SEMA4B: variants seen among roughly 807,000 people sequenced by gnomAD.
The protein encoded by SEMA4B is semaphorin 4B.
A neutral mutation model predicts 88.1 loss-of-function variants in SEMA4B; 55 were observed. The observed-to-expected ratio is 0.62, with a 90% CI of 0.50 to 0.78. The LOEUF is 0.78. Among genes scored for constraint, SEMA4B ranks in the 30% least tolerant of loss-of-function variants. The pLI, the probability that SEMA4B is intolerant of heterozygous loss-of-function variation, is 0.00. For missense variants in SEMA4B, 1,062 were observed against 1,111.9 expected, an observed-to-expected ratio of 0.96 and a Z score of 0.64; for synonymous variants, 525 against 473.6, an observed-to-expected ratio of 1.11 and a Z score of -1.41.
chr15:90,200,184 A>G (rs566263809), upstream of SEMA4B, among the ~76,000 whole-genome samples: 1 of 152,302 alleles, frequency 6.6e-6, no homozygotes, highest in African/African-American at 2.4e-5. Flanking sequence ...GTGGGAGCAG[A>G]TGTGGCAGAC....
In SEMA4B at chr15:90,221,403, A is replaced by G. The variant is rs1183106109; in HGVS notation, c.632A>G (p.Gln211Arg). ...ELYTGTVSSF[Q>R]GNDPAISRSQ... ...TACACTGGAACAGTCAGCAGCTTCC[A>G]AGGGAATGACCCGGCCATCTCGCGG... The change falls in exon 6 of 14, where the codon CAA becomes CGA. Residue 211 changes from glutamine (Q) to arginine (R), a missense_variant. Coordinates refer to ENST00000411539, the MANE Select transcript of SEMA4B (RefSeq NM_198925.4). The G allele has an allele frequency of 1.9e-6, 3 of 1,576,774 alleles. No homozygotes were observed. Among genetic ancestry groups the G allele is most frequent in the Non-Finnish European group, 2.6e-6 (3 of 1,162,214 alleles).
At chr15:90,197,993 C>G (rs1382796534), upstream of SEMA4B, among the ~76,000 whole-genome samples, 1 of 148,996 alleles carries the variant, frequency 6.7e-6, no homozygotes, top group Non-Finnish European at 1.5e-5. Flanking sequence ...GTGGCGTGAT[C>G]TCGGCTCACT....
At chr15:90,191,794 G>A (rs1318975718) in intron 1 of SEMA4B, 1 of 152,306 alleles carries the variant, frequency 6.6e-6, no homozygotes, top group East Asian at 1.9e-4. Context: ...GGCAGTGTAA[G>A]TGCTGACCCG....
intron 1 of SEMA4B, chr15:90,206,867 C>A: frequency 1.4e-6 from 1 of 715,574 alleles, no homozygotes; most frequent in Non-Finnish European, 2.6e-6. Flanking sequence ...GAGGGGAAAC[C>A]CCGTAAAGTG....
intron 1 of SEMA4B, among the ~76,000 whole-genome samples, chr15:90,216,853 A>T (rs932727056): frequency 1.3e-5 from 2 of 152,192 alleles, no homozygotes; most frequent in Non-Finnish European, 2.9e-5. Flanking sequence ...CAAAAAAAAA[A>T]GAAAAGCCCA....
upstream of SEMA4B, among the ~76,000 whole-genome samples, chr15:90,199,670 C>G (rs889649818): frequency 1.7e-4 from 26 of 151,890 alleles, no homozygotes; most frequent in Admixed American, 1.4e-3. Flanking sequence ...ATTAAAAATA[C>G]AAAAAATTAG....
chr15:90,224,084 C>T, intron 9 of SEMA4B, 96 bp downstream of exon 9: 2 of 1,189,164 alleles, frequency 1.7e-6, no homozygotes, highest in Middle Eastern at 2.5e-4. Context: ...GGGCAGATCA[C>T]TTGGCTTCTC....
chr15:90,211,542 G>A lies in SEMA4B; in HGVS notation c.158-5897G>A, dbSNP rs569440380. On this transcript the variant is annotated intron_variant, in intron 1 of 13. Transcript: ENST00000411539. ...CATGCTCCATGAGGAAGAAGTGGCT[G>A]CCCTGCCCAACACGGGCCGTGTGGA... is the stretch of plus-strand genomic sequence containing the variant. Among the ~76,000 whole-genome samples, 10 of 152,314 alleles carry A rather than the reference G, an allele frequency of 6.6e-5. No individual in the cohort carries two copies. The East Asian group carries it at 1.9e-3, about 29-fold the overall frequency.
chr15:90,194,609 T>G (rs1406189307), intron 1 of SEMA4B, among the ~76,000 whole-genome samples: 1 of 152,216 alleles, frequency 6.6e-6, no homozygotes, highest in Non-Finnish European at 1.5e-5. Context: ...GGGCTCCGTT[T>G]GTGACTCTGT....
Position 90,227,906 on chromosome 15 carries a change from G to A in SEMA4B, c.1777G>A (p.Glu593Lys), listed in dbSNP as rs922096244. ...CCCCATGCCTTTTCTGCCTACAGGG[G>A]AGAAGCCATGTGAGCAAGTCCAGTT... ...VVSPSFVPTG[E>K]KPCEQVQFQP... is the part of the protein sequence containing the mutation. The change falls in exon 14 of 14, where the codon GAG (glutamate) becomes AAG (lysine). Residue 593 changes from glutamate to lysine, a missense_variant and splice_region_variant. By Grantham distance (56) the Glu-to-Lys change is moderately conservative. Transcript: ENST00000411539. 1.2e-6 allele frequency: 2 copies of A among 1,611,102 alleles called. No homozygotes were observed. The highest frequency in any genetic ancestry group is 1.7e-6 in the Non-Finnish European group (2 of 1,179,828).
At chr15:90,205,309 G>A (rs1009976163) in intron 1 of SEMA4B, among the ~76,000 whole-genome samples, 1 of 152,230 alleles carries the variant, frequency 6.6e-6, no homozygotes, top group South Asian at 2.1e-4. Flanking sequence ...CTGGTCGCTT[G>A]TTGAGCCCTC....
At chr15:90,192,535 AT>A in intron 1 of SEMA4B, among the ~76,000 whole-genome samples, 1 of 145,014 alleles carries the variant, frequency 6.9e-6, no homozygotes, top group East Asian at 2.0e-4. Flanking sequence ...ATGTGTGTTC[AT>A]TTGCTTTTTA....
At chr15:90,201,214 G>A (rs1960695931), upstream of SEMA4B, 1 of 686,784 alleles carries the variant, frequency 1.5e-6, no homozygotes, top group Non-Finnish European at 1.8e-6. Flanking sequence ...TGGCCCCTGC[G>A]GCAGCGCCCC....
rs111913170 is a variant in SEMA4B, at chr15:90,219,835, G to A, written c.427G>A (p.Gly143Ser). The change falls in exon 4 of 14, where the codon GGC (glycine) becomes AGC (serine). Residue 143 changes from glycine to serine, a missense_variant. Physicochemically the swap from Gly to Ser is moderately conservative, Grantham distance 56 (BLOSUM62 0). Coordinates refer to ENST00000411539, the MANE Select transcript of SEMA4B (RefSeq NM_198925.4). ...CATCAAGATCCTCCTGCCGCTCAGC[G>A]GCAGTCACCTGTTCACCTGTGGCAC... is the stretch of plus-strand genomic sequence containing the variant. ...NYIKILLPLSGSHLFTCGTAA... is the reference protein window; with the variant it reads ...NYIKILLPLSSSHLFTCGTAA... 1.2e-5 allele frequency: 19 copies of A among 1,613,632 alleles called. No homozygotes were observed. The highest frequency in any genetic ancestry group is 6.7e-5 in the East Asian group (3 of 44,870).
intron 13 of SEMA4B, 65 bp downstream of exon 13, chr15:90,227,707 A>G (rs1962246186): frequency 6.4e-7 from 1 of 1,555,276 alleles, no homozygotes; most frequent in Non-Finnish European, 8.8e-7. Context: ...AGGCTCCCCC[A>G]GGCACAGATG....
At chr15:90,186,859 C>T (rs1352397313) in intron 1 of SEMA4B, among the ~76,000 whole-genome samples, 2 of 151,754 alleles carry the variant, frequency 1.3e-5, no homozygotes, top group African/African-American at 2.4e-5. Context: ...TGTGAACCCG[C>T]GAGGCGGAGC....
At position 90,220,971 on chromosome 15, in the gene SEMA4B, C is replaced by G. The variant is rs3825998; in HGVS notation, c.484-11C>G. 4 of 1,575,666 alleles carry G rather than the reference C, an allele frequency of 2.5e-6. No homozygotes were observed. The highest frequency in any genetic ancestry group is 3.5e-6 in the Non-Finnish European group (4 of 1,153,380). Reference sequence around the variant, plus strand: ...GAGTGCCCCTGAGCCCATGTGTCCACCCTCCTGCAGAACATGGAGAACTTC... The same window carrying G: ...GAGTGCCCCTGAGCCCATGTGTCCAGCCTCCTGCAGAACATGGAGAACTTC... On this transcript the variant is annotated splice_polypyrimidine_tract_variant and intron_variant, in intron 4 of 13. Coordinates refer to ENST00000411539, the MANE Select transcript of SEMA4B (RefSeq NM_198925.4).
Position 90,225,412 on chromosome 15 carries a change from G to T in SEMA4B, c.1521+15G>T. Reference sequence around the variant, plus strand: ...ACACCCACAGGGTGAGCAGGCCAACGAGGAATCCTGGCAGGGTACTTGGGG... The same window carrying T: ...ACACCCACAGGGTGAGCAGGCCAACTAGGAATCCTGGCAGGGTACTTGGGG... On this transcript the variant is annotated intron_variant, in intron 11 of 13. Coordinates refer to ENST00000411539, the MANE Select transcript of SEMA4B (RefSeq NM_198925.4). 1.9e-6 allele frequency: 3 copies of T among 1,547,886 alleles called. No individual in the cohort carries two copies. The highest frequency in any genetic ancestry group is 2.4e-5 in the South Asian group (2 of 83,940).
Position 90,223,857 on chromosome 15 carries a change from G to A in SEMA4B, c.1063G>A (p.Gly355Ser). 6.2e-7 allele frequency: 1 copy of A among 1,613,956 alleles called. No individual in the cohort carries two copies. The highest frequency in any genetic ancestry group is 1.1e-5 in the South Asian group (1 of 91,092). ...TSQWHRGTTE[G>S]SAVCVFTMKD... ...CTGCAGGCACAGGGGAACTACAGAA[G>A]GCTCTGCCGTCTGTGTCTTCACAAT... is the stretch of plus-strand genomic sequence containing the variant. Residue 355 changes from glycine to serine, a missense_variant, in exon 9 of 14, where the codon GGC (glycine) becomes AGC (serine). Gly to Ser is a moderately conservative substitution (Grantham distance 56). Coordinates refer to ENST00000411539, the MANE Select transcript of SEMA4B (RefSeq NM_198925.4).
Sources: allele counts gnomAD v4.1 joint callset (sites outside exome capture counted in the v4.1 genomes callset), GRCh38; gene constraint gnomAD v4.1.1; transcripts MANE v1.5; gene names NCBI Gene and HGNC (gene_info 2026-07-23, HGNC 2026-07-21).